The following ENTREP2 variants were observed in gnomAD, a reference collection of about 807,000 sequenced individuals.
The protein encoded by ENTREP2 is protein ENTREP2.
At chr15:29,487,425 G>A in the ENTREP2 span, among the ~76,000 whole-genome samples, 26 of 152,132 alleles carry the variant, frequency 1.7e-4, no homozygotes, top group African/African-American at 5.1e-4. Context: ...ACAGATAAGC[G>A]GTCAGTCTCT....
chr15:29,618,548 A>G, the ENTREP2 span, among the ~76,000 whole-genome samples: 1 of 152,184 alleles, frequency 6.6e-6, no homozygotes, highest in Non-Finnish European at 1.5e-5. Context: ...CCAGCCACTA[A>G]TAGAACAGAG....
At chr15:29,147,077 T>C in the ENTREP2 span, among the ~76,000 whole-genome samples, 2 of 152,258 alleles carry the variant, frequency 1.3e-5, no homozygotes, top group South Asian at 4.1e-4. Flanking sequence ...TCATCCAAAT[T>C]GAAACTTTTG....
At chr15:29,497,406 T>C in the ENTREP2 span, among the ~76,000 whole-genome samples, 2 of 152,300 alleles carry the variant, frequency 1.3e-5, no homozygotes, top group Admixed American at 1.3e-4. Flanking sequence ...GGACTTTTCT[T>C]TGATAGAAAG....
At chr15:29,322,394 A>AT in the ENTREP2 span, among the ~76,000 whole-genome samples, 1 of 152,194 alleles carries the variant, frequency 6.6e-6, no homozygotes, top group African/African-American at 2.4e-5. Flanking sequence ...TCTAAGATAA[A>AT]TTTTTTATCC....
chr15:29,525,873 C>T, the ENTREP2 span, among the ~76,000 whole-genome samples: 1 of 152,082 alleles, frequency 6.6e-6, no homozygotes, highest in Admixed American at 6.6e-5. Context: ...AAAATAAAAA[C>T]CTAACCACAA....
chr15:29,386,907 A>G, the ENTREP2 span, among the ~76,000 whole-genome samples: 2 of 152,244 alleles, frequency 1.3e-5, no homozygotes, highest in Non-Finnish European at 2.9e-5. Context: ...GGCTGAGACC[A>G]TGGGGTTTTC....
the ENTREP2 span, among the ~76,000 whole-genome samples, chr15:29,503,803 C>G: frequency 2.6e-5 from 4 of 152,082 alleles, no homozygotes; most frequent in East Asian, 7.7e-4. Context: ...TGTTATTTTT[C>G]TCAACTGTGT....
the ENTREP2 span, among the ~76,000 whole-genome samples, chr15:29,570,970 G>C: frequency 2.8e-5 from 4 of 144,762 alleles, no homozygotes; most frequent in African/African-American, 9.9e-5. Flanking sequence ...GCCGCGCCGC[G>C]CTGCGCCCTC....
At chr15:29,516,592 G>C in the ENTREP2 span, among the ~76,000 whole-genome samples, 4 of 152,118 alleles carry the variant, frequency 2.6e-5, no homozygotes, top group South Asian at 2.1e-4. Context: ...TGGGAAATGA[G>C]AGCAAAGGAG....
At chr15:29,450,693 A>G in the ENTREP2 span, among the ~76,000 whole-genome samples, 2 of 152,252 alleles carry the variant, frequency 1.3e-5, no homozygotes. Flanking sequence ...TATTCACAAT[A>G]GCAAAGACAC....
the ENTREP2 span, among the ~76,000 whole-genome samples, chr15:29,464,581 C>T: frequency 9.9e-5 from 15 of 152,152 alleles, no homozygotes; most frequent in Non-Finnish European, 1.9e-4. Flanking sequence ...AGTGCCAGGC[C>T]AAATGCATCT....
the ENTREP2 span, among the ~76,000 whole-genome samples, chr15:29,386,329 A>G: frequency 2.0e-5 from 3 of 152,108 alleles, no homozygotes; most frequent in African/African-American, 7.2e-5. Flanking sequence ...TGCCGTGGAG[A>G]TGGAGCCCCA....
the ENTREP2 span, chr15:29,136,282 G>C: frequency 1.4e-6 from 2 of 1,386,784 alleles, no homozygotes; most frequent in Non-Finnish European, 1.9e-6. Flanking sequence ...CTGGCGCGGT[G>C]TGAGGTGCCT....
At chr15:29,360,065 T>C in the ENTREP2 span, among the ~76,000 whole-genome samples, 4 of 152,210 alleles carry the variant, frequency 2.6e-5, no homozygotes, top group East Asian at 1.9e-4. Flanking sequence ...TTCCTCAGAA[T>C]TGCATATTAA....
the ENTREP2 span, among the ~76,000 whole-genome samples, chr15:29,291,872 A>C: frequency 6.6e-6 from 1 of 152,042 alleles, no homozygotes; most frequent in African/African-American, 2.4e-5. Flanking sequence ...TTTTCTTCCA[A>C]GAAGTTCAGA....
chr15:29,518,408 A>T, the ENTREP2 span, among the ~76,000 whole-genome samples: 1 of 152,146 alleles, frequency 6.6e-6, no homozygotes. Flanking sequence ...AAATTTTCAC[A>T]ACAAATGTTC....
At chr15:29,371,911 AATAGATAGATAGATAGATAG>A in the ENTREP2 span, among the ~76,000 whole-genome samples, 53 of 149,616 alleles carry the variant, frequency 3.5e-4, 1 homozygote, top group South Asian at 6.0e-3. Context: ...AAAATAAATA[AATAGATAGATAGATAGATAG>A]ATAGATAGAT....
At chr15:29,123,878 T>TG in the ENTREP2 span, among the ~76,000 whole-genome samples, 1 of 151,904 alleles carries the variant, frequency 6.6e-6, no homozygotes, top group Non-Finnish European at 1.5e-5. Context: ...AGCGAAGGCC[T>TG]GGGGGGAAGG....
the ENTREP2 span, among the ~76,000 whole-genome samples, chr15:29,320,334 A>T: frequency 6.6e-6 from 1 of 152,170 alleles, no homozygotes; most frequent in Non-Finnish European, 1.5e-5. Flanking sequence ...AAACAAGAGA[A>T]ATAGGTGAAT....
Sources: gnomAD v4.1 joint callset for allele counts (sites outside exome capture counted in the v4.1 genomes callset) on GRCh38, gnomAD v4.1.1 for gene constraint, MANE v1.5 for transcripts, NCBI Gene and HGNC (gene_info 2026-07-23, HGNC 2026-07-21) for gene names.